The following EARS2 variants were observed in gnomAD, a reference collection of about 807,000 sequenced individuals.
The protein encoded by EARS2 is glutamyl-tRNA synthetase 2, mitochondrial, also known as nondiscriminating glutamyl-tRNA synthetase EARS2, mitochondrial.
Under a neutral mutation model 54.1 loss-of-function variants are expected in EARS2, and 50 were observed. The observed-to-expected ratio is 0.92, with a 90% CI of 0.74 to 1.17. EARS2 has a LOEUF of 1.17. Among genes scored for constraint, EARS2 ranks in the 50% most tolerant of loss-of-function variants. EARS2 has a pLI of 0.00. For synonymous variants in EARS2, 298 were observed against 281.0 expected, an observed-to-expected ratio of 1.06 and a Z score of -0.61; for missense variants, 673 against 675.0, an observed-to-expected ratio of 1.00 and a Z score of 0.03.
intron 8 of EARS2, among the ~76,000 whole-genome samples, chr16:23,524,803 C>T (rs1965197718): frequency 1.3e-5 from 2 of 151,988 alleles, no homozygotes; most frequent in Admixed American, 1.3e-4. Flanking sequence ...CACCACCACC[C>T]CCAGCTAATT....
chr16:23,534,961 C>T lies in EARS2; in HGVS notation c.885G>A (p.Glu295=), dbSNP rs757001988. 14 of 1,611,168 alleles carry T rather than the reference C, an allele frequency of 8.7e-6. No homozygotes were observed. The highest frequency in any genetic ancestry group is 1.2e-5 in the Non-Finnish European group (14 of 1,178,092). ...GCAGGAAGCCATCAGCAGCAAAGTG[C>T]TCCAGGAAAACGTCCCCTTGCCTCT... The part of the protein sequence containing the change: ...LSKRQGDVFL[E]HFAADGFLPD... Residue 295 remains glutamate, a synonymous_variant, in exon 4 of 9, where the codon GAG becomes GAA. Transcript: ENST00000449606.
intron 2 of EARS2, among the ~76,000 whole-genome samples, chr16:23,545,417 G>T (rs1965587333): frequency 6.6e-6 from 1 of 152,184 alleles, no homozygotes; most frequent in African/African-American, 2.4e-5. Flanking sequence ...GCTGTGACAA[G>T]GGATCCTGAG....
rs556430971 is a variant in EARS2 at position 23,529,953 on chromosome 16, G to A, written c.1068-56C>T. On this transcript the variant is annotated intron_variant, in intron 5 of 8. Transcript: ENST00000449606. Reference sequence around the variant, plus strand: ...GTCAACACCCCAACCCACCCAAACCGTCTCTCCCCCAGGGAAAGGGTGAAG... The same window carrying A: ...GTCAACACCCCAACCCACCCAAACCATCTCTCCCCCAGGGAAAGGGTGAAG... 23 of 1,592,996 alleles carry A rather than the reference G, an allele frequency of 1.4e-5. No homozygotes were observed. In the South Asian group the frequency reaches 1.6e-4, roughly 11 times the overall value.
At position 23,521,868 on chromosome 16, in the gene EARS2, A is replaced by G; in HGVS notation, c.*2503T>C. ...CAGATGCTCTGACAACACTCAGTAG[A>G]TCAGAGTTAAGCTTGGACTCTGGAT... On this transcript the variant is annotated 3_prime_UTR_variant, in exon 9 of 9. Coordinates refer to ENST00000449606, the MANE Select transcript of EARS2 (RefSeq NM_001083614.2). 2.2e-6 allele frequency: 1 copy of G among 456,038 alleles called. No individual in the cohort carries two copies. The highest frequency in any genetic ancestry group is 4.4e-6 in the Non-Finnish European group (1 of 226,782). The allele number at this position is 456,038 out of a possible 1,614,324, so 28.2% of individuals were successfully genotyped here.
rs112937944 is a variant in EARS2, at chr16:23,545,581, G to A, written c.296-878C>T. 3.9e-3 allele frequency among the ~76,000 whole-genome samples: 587 copies of A among 152,296 alleles called. 3 individuals carry two copies. The highest frequency in any genetic ancestry group is 6.9e-3 in the Non-Finnish European group (470 of 68,024). ...TGCTTTGTCACCTGGCCGAGTAGAA[G>A]GGGCACGATCAGCTTCAAACCCAGA... On this transcript the variant is annotated intron_variant, in intron 2 of 8. Coordinates refer to ENST00000449606, the MANE Select transcript of EARS2 (RefSeq NM_001083614.2).
At chr16:23,551,126 A>C (rs1285946493) in intron 2 of EARS2, among the ~76,000 whole-genome samples, 1 of 152,226 alleles carries the variant, frequency 6.6e-6, no homozygotes, top group Non-Finnish European at 1.5e-5. Context: ...CTCCTCTTGC[A>C]ACTCAGAGGA....
chr16:23,542,684 T>C (rs111570093), intron 3 of EARS2, among the ~76,000 whole-genome samples: 2,235 of 152,310 alleles, frequency 0.015, 23 homozygotes, highest in South Asian at 0.02. Flanking sequence ...AGACCAAATC[T>C]TGGCTTCTAA....
At chr16:23,538,467 T>C (rs568323814) in intron 3 of EARS2, among the ~76,000 whole-genome samples, 1 of 152,312 alleles carries the variant, frequency 6.6e-6, no homozygotes, top group South Asian at 2.1e-4. Flanking sequence ...TCTTTTTACA[T>C]TGGCTTCTGT....
chr16:23,537,724 G>A (rs910042296), intron 3 of EARS2, among the ~76,000 whole-genome samples: 3 of 151,616 alleles, frequency 2.0e-5, no homozygotes, highest in African/African-American at 7.3e-5. Context: ...AGGTATGCAC[G>A]ACTATACCCA....
rs575262188 is a variant in EARS2 at position 23,526,289 on chromosome 16, T to G, written c.1353-910A>C. 3.6e-3 allele frequency among the ~76,000 whole-genome samples: 552 copies of G among 151,934 alleles called. 2 individuals are homozygous for G. The highest frequency in any genetic ancestry group is 4.9e-3 in the Non-Finnish European group (331 of 67,960). On this transcript the variant is annotated intron_variant, in intron 7 of 8. Coordinates refer to ENST00000449606, the MANE Select transcript of EARS2 (RefSeq NM_001083614.2). Reference sequence around the variant, plus strand: ...CACCACGCCCAGCTAATTTTGTATTTTTAGTAGAGACAGGGTTTTACCATG... The same window carrying G: ...CACCACGCCCAGCTAATTTTGTATTGTTAGTAGAGACAGGGTTTTACCATG...
Position 23,522,106 on chromosome 16 carries a change from G to A in EARS2, c.*2265C>T, listed in dbSNP as rs547727242. ...GGGAGAGGGTGAGGCTCATATAAGC[G>A]CACAATAAATTACAAGTATTATTAT... On this transcript the variant is annotated 3_prime_UTR_variant, in exon 9 of 9. Transcript: ENST00000449606. 16 of 272,782 alleles carry A rather than the reference G, an allele frequency of 5.9e-5. No individual in the cohort carries two copies. The highest frequency in any genetic ancestry group is 2.8e-4 in the African/African-American group (13 of 45,886). 16.9% of individuals were successfully genotyped at this position (272,782 alleles called of 1,614,324 possible).
chr16:23,550,822 TTTTC>T (rs1425425110), intron 2 of EARS2: 1 of 152,166 alleles, frequency 6.6e-6, no homozygotes, highest in Non-Finnish European at 1.5e-5. Context: ...GTCTTGGGGT[TTTTC>T]TTTCTTTTTT....
intron 7 of EARS2, among the ~76,000 whole-genome samples, chr16:23,528,994 G>A (rs752186379): frequency 6.6e-6 from 1 of 152,218 alleles, no homozygotes; most frequent in Non-Finnish European, 1.5e-5. Flanking sequence ...AAGGCAGAGA[G>A]CGAAAGCGAA....
At chr16:23,539,736 G>C (rs1597017228) in intron 3 of EARS2, among the ~76,000 whole-genome samples, 1 of 152,302 alleles carries the variant, frequency 6.6e-6, no homozygotes, top group East Asian at 1.9e-4. Flanking sequence ...CTGTTGGCCA[G>C]GCATGGTGGC....
chr16:23,525,458 TG>T lies in EARS2; in HGVS notation c.1353-80del. On this transcript the variant is annotated intron_variant, in intron 7 of 8. Transcript: ENST00000449606. ...GGGAGGAAGGGCTTCAGAAGGTTAT[TG>T]ATCAGCTACAGTACGAGCAGCACAA... The T allele has an allele frequency of 3.4e-6, 5 of 1,469,910 alleles. No individual in the cohort carries two copies. The South Asian group carries it at 6.5e-5, about 19-fold the overall frequency. The allele number at this position is 1,469,910 out of a possible 1,614,324, so 91.1% of individuals were successfully genotyped here. A position where few individuals can be genotyped will look rare whatever the true frequency, so the allele number is the denominator to read the frequency against.
chr16:23,551,814 G>A (rs1965700149), intron 2 of EARS2, among the ~76,000 whole-genome samples: 1 of 152,148 alleles, frequency 6.6e-6, no homozygotes, highest in Admixed American at 6.6e-5. Flanking sequence ...CCAGCTACTT[G>A]GAGGCTGAGG....
chr16:23,523,159 G>A lies in EARS2; in HGVS notation c.*1212C>T, dbSNP rs1965168120. ...CAAGGGTGTGAATAGAAGAAGGCAG[G>A]GATGGTTGGGGGCCAACTTAGAGGC... On this transcript the variant is annotated 3_prime_UTR_variant, in exon 9 of 9. Transcript: ENST00000449606. 6.6e-6 allele frequency: 1 copy of A among 152,306 alleles called. No individual in the cohort carries two copies. 9.4% of individuals were successfully genotyped at this position (152,306 alleles called of 1,614,324 possible).
rs1156825704 is a variant in EARS2, at chr16:23,523,086, T to C, written c.*1285A>G. ...AGTCAAACTCTCATTTCTTCAATAG[T>C]GTAGTGGTTACACAAGTCAGGCCTA... On this transcript the variant is annotated 3_prime_UTR_variant, in exon 9 of 9. Transcript: ENST00000449606. 6.6e-6 allele frequency: 1 copy of C among 152,210 alleles called. No individual in the cohort carries two copies. Among genetic ancestry groups the C allele is most frequent in the Non-Finnish European group, 1.5e-5 (1 of 68,044 alleles). 9.4% of individuals were successfully genotyped at this position (152,210 alleles called of 1,614,324 possible). A position where few individuals can be genotyped will look rare whatever the true frequency, so the allele number is the denominator to read the frequency against.
At chr16:23,548,578 C>A (rs1361337339) in intron 2 of EARS2, among the ~76,000 whole-genome samples, 4 of 152,084 alleles carry the variant, frequency 2.6e-5, no homozygotes, top group Non-Finnish European at 5.9e-5. Flanking sequence ...TGTAATCTGG[C>A]TCCTGGAAAG....
Sources: allele counts gnomAD v4.1 joint callset (sites outside exome capture counted in the v4.1 genomes callset), GRCh38; gene constraint gnomAD v4.1.1; transcripts MANE v1.5; gene names NCBI Gene and HGNC (gene_info 2026-07-23, HGNC 2026-07-21).